Variants in CDK17 observed in about 807,000 individuals in gnomAD.
CDK17 encodes cyclin-dependent kinase 17.
CDK17 carries 24 observed loss-of-function variants against 77.6 expected under a neutral mutation model. That is an observed-to-expected ratio of 0.31 (90% CI 0.22 to 0.44). The LOEUF (loss-of-function observed/expected upper bound fraction) is 0.44, where lower values mean the gene tolerates loss of function less well. Ranked by LOEUF, CDK17 falls within the 20% of genes least tolerant of loss-of-function variation. The pLI is 1.00. For synonymous variants in CDK17, 203 were observed against 210.4 expected (o/e 0.96, Z 0.30); for missense variants, 429 against 622.5 (o/e 0.69, Z 3.31).
Position 96,395,931 on chromosome 12 carries a change from C to T in CDK17, c.-30+4055G>A, listed in dbSNP as rs140918569. Reference sequence around the variant, plus strand: ...CCAGCCCCGGACCTGTGAGAAAATACGTCTGTGTTTTAAGCCACCTCAATG... The same window carrying T: ...CCAGCCCCGGACCTGTGAGAAAATATGTCTGTGTTTTAAGCCACCTCAATG... On this transcript the variant is annotated intron_variant, in intron 1 of 16. Coordinates refer to ENST00000261211, the MANE Select transcript of CDK17 (RefSeq NM_002595.5). 1.2e-3 allele frequency among the ~76,000 whole-genome samples: 179 copies of T among 152,276 alleles called. 1 individual carries two copies. The highest frequency in any genetic ancestry group is 4.2e-3 in the African/African-American group (175 of 41,558).
intron 5 of CDK17, among the ~76,000 whole-genome samples, chr12:96,301,378 A>AT (rs1952502188): frequency 6.6e-6 from 1 of 152,138 alleles, no homozygotes; most frequent in African/African-American, 2.4e-5. Flanking sequence ...GGTACATGAA[A>AT]TATACCTAAA....
intron 3 of CDK17, among the ~76,000 whole-genome samples, chr12:96,315,505 C>A (rs1033674678): frequency 7.2e-5 from 11 of 152,138 alleles, no homozygotes; most frequent in Admixed American, 7.2e-4. Context: ...TGATTCCTAA[C>A]CTCTTAAAAT....
intron 1 of CDK17, among the ~76,000 whole-genome samples, chr12:96,392,956 G>T (rs147889448): frequency 6.6e-6 from 1 of 152,130 alleles, no homozygotes; most frequent in East Asian, 1.9e-4. Context: ...CACAGATAAC[G>T]GCTAATACAA....
In CDK17 at chr12:96,279,965, C is replaced by G. The variant is rs1485866375; in HGVS notation, c.*277G>C. On this transcript the variant is annotated 3_prime_UTR_variant, in exon 17 of 17. Coordinates refer to ENST00000261211, the MANE Select transcript of CDK17 (RefSeq NM_002595.5). ...TAAATAATGCACTGTGTTTCTCAGT[C>G]CTGCACAAAAATTGCAGCTATAGTT... The G allele has an allele frequency of 5.8e-6, 2 of 346,054 alleles. No individual in the cohort carries two copies. The highest frequency in any genetic ancestry group is 2.1e-5 in the African/African-American group (1 of 47,186). The allele number at this position is 346,054 out of a possible 1,614,324, so 21.4% of individuals were successfully genotyped here. A position where few individuals can be genotyped will look rare whatever the true frequency, so the allele number is the denominator to read the frequency against.
intron 1 of CDK17, among the ~76,000 whole-genome samples, chr12:96,342,514 A>G (rs1463243848): frequency 6.6e-6 from 1 of 152,112 alleles, no homozygotes; most frequent in East Asian, 1.9e-4. Context: ...ATGAGCTAAG[A>G]TCATGCCACT....
chr12:96,379,436 T>TG (rs1953839268), intron 1 of CDK17, among the ~76,000 whole-genome samples: 1 of 152,218 alleles, frequency 6.6e-6, no homozygotes, highest in African/African-American at 2.4e-5. Context: ...ATCTAATTTT[T>TG]TTTTTTGAGA....
intron 1 of CDK17, among the ~76,000 whole-genome samples, chr12:96,353,491 T>C (rs1953342749): frequency 6.6e-6 from 1 of 151,910 alleles, no homozygotes. Flanking sequence ...TTTCTTTCCC[T>C]GTATGTGTGA....
intron 1 of CDK17, among the ~76,000 whole-genome samples, chr12:96,393,147 G>A (rs894865047): frequency 4.8e-5 from 7 of 147,150 alleles, no homozygotes; most frequent in South Asian, 2.2e-4. Flanking sequence ...GGTGGATCAC[G>A]AGGTCAGGAG....
rs192030278 is a variant in CDK17, at chr12:96,390,259, C to G, written c.-30+9727G>C. ...CTCCACCTCCCAGGTTCGAGTGATT[C>G]TCCTCCCTTCAGGCACGTGCCAACA... On this transcript the variant is annotated intron_variant, in intron 1 of 16. Coordinates refer to ENST00000261211, the MANE Select transcript of CDK17 (RefSeq NM_002595.5). Among the ~76,000 whole-genome samples the G allele has an allele frequency of 8.4e-4, 126 of 149,894 alleles. No homozygotes were observed. The East Asian group carries it at 0.019, about 23-fold the overall frequency.
At chr12:96,392,596 C>T (rs34106146) in intron 1 of CDK17, among the ~76,000 whole-genome samples, 7,423 of 152,166 alleles carry the variant, frequency 0.049, 243 homozygotes, top group Non-Finnish European at 0.061. Context: ...AACAGAAAAG[C>T]GTAAGAAAGA....
chr12:96,303,976 AT>A (rs1565811112), intron 5 of CDK17, among the ~76,000 whole-genome samples: 2 of 152,222 alleles, frequency 1.3e-5, no homozygotes, highest in African/African-American at 4.8e-5. Flanking sequence ...CACTCCTAAG[AT>A]AAAGTTTAAT....
rs368460455 is a variant in CDK17 at position 96,316,711 on chromosome 12, C to A, written c.284-3257G>T. Among the ~76,000 whole-genome samples, 47 of 122,220 alleles carry A rather than the reference C, an allele frequency of 3.8e-4. 3 individuals are homozygous for A. The highest frequency in any genetic ancestry group is 1.2e-3 in the African/African-American group (39 of 33,204). 80.2% of individuals were successfully genotyped at this position (122,220 alleles called of 152,430 possible). A position where few individuals can be genotyped will look rare whatever the true frequency, so the allele number is the denominator to read the frequency against. ...AGCAGGGGCACACTGACACCTCACA[C>A]GGCAGGGTATTCCAACAGACCTGCA... On this transcript the variant is annotated intron_variant, in intron 3 of 16. Coordinates refer to ENST00000261211, the MANE Select transcript of CDK17 (RefSeq NM_002595.5).
chr12:96,328,010 A>G (rs1952913639), intron 2 of CDK17, among the ~76,000 whole-genome samples: 1 of 152,218 alleles, frequency 6.6e-6, no homozygotes, highest in African/African-American at 2.4e-5. Context: ...GAACCAGGCC[A>G]AGAGGTGAGC....
chr12:96,363,883 C>T (rs1426205506), intron 1 of CDK17, among the ~76,000 whole-genome samples: 1 of 152,158 alleles, frequency 6.6e-6, no homozygotes, highest in Non-Finnish European at 1.5e-5. Flanking sequence ...GTTTTTTGAA[C>T]TTTACACATC....
At chr12:96,394,065 G>A (rs1260792478) in intron 1 of CDK17, among the ~76,000 whole-genome samples, 2 of 151,928 alleles carry the variant, frequency 1.3e-5, no homozygotes, top group Admixed American at 6.6e-5. Flanking sequence ...GGCCAACATG[G>A]TGAAACCCTA....
intron 1 of CDK17, among the ~76,000 whole-genome samples, chr12:96,338,049 T>C (rs900451148): frequency 2.6e-5 from 4 of 152,242 alleles, no homozygotes; most frequent in Non-Finnish European, 5.9e-5. Flanking sequence ...TGCCTGGGGC[T>C]CTGGCCCACA....
chr12:96,332,980 A>T (rs1952992726), intron 2 of CDK17, among the ~76,000 whole-genome samples: 1 of 152,182 alleles, frequency 6.6e-6, no homozygotes, highest in African/African-American at 2.4e-5. Context: ...TCTTTTCTTT[A>T]GGAAAAGAGG....
At chr12:96,375,400 T>C (rs1383186226) in intron 1 of CDK17, among the ~76,000 whole-genome samples, 1 of 151,910 alleles carries the variant, frequency 6.6e-6, no homozygotes, top group East Asian at 1.9e-4. Flanking sequence ...CAGTGTGGCC[T>C]AAGTCCTGGC....
At chr12:96,284,685 C>G (rs1952225255) in intron 13 of CDK17, among the ~76,000 whole-genome samples, 1 of 151,438 alleles carries the variant, frequency 6.6e-6, no homozygotes, top group South Asian at 2.1e-4. Flanking sequence ...CTGCCTCAGC[C>G]TCCCGAGTAG....
Sources: allele counts gnomAD v4.1 joint callset (sites outside exome capture counted in the v4.1 genomes callset), GRCh38; gene constraint gnomAD v4.1.1; transcripts MANE v1.5; gene names NCBI Gene and HGNC (gene_info 2026-07-23, HGNC 2026-07-21).